SNTG1: variants seen among roughly 807,000 people sequenced by gnomAD.
SNTG1 encodes the protein syntrophin gamma 1.
Under a neutral mutation model 74.7 loss-of-function variants are expected in SNTG1, and 39 were observed. That is an observed-to-expected ratio of 0.52 (90% CI 0.40 to 0.68). The LOEUF is 0.68. Ranked by LOEUF, SNTG1 falls within the 30% of genes least tolerant of loss-of-function variation. The pLI, the probability that SNTG1 is intolerant of heterozygous loss-of-function variation, is 0.00. For synonymous variants in SNTG1, 254 were observed against 217.1 expected (o/e 1.17, Z -1.49); for missense variants, 685 against 609.5 (o/e 1.12, Z -1.30).
At chr8:50,560,197 A>T (rs1173636303) in intron 12 of SNTG1, among the ~76,000 whole-genome samples, 1 of 152,212 alleles carries the variant, frequency 6.6e-6, no homozygotes, top group African/African-American at 2.4e-5. Flanking sequence ...CAGAATGGTG[A>T]TTATTAAAAA....
chr8:49,956,058 C>T (rs1301702301), intron 1 of SNTG1, among the ~76,000 whole-genome samples: 1 of 152,180 alleles, frequency 6.6e-6, no homozygotes, highest in East Asian at 1.9e-4. Context: ...AAAGAAGTCT[C>T]CTGAAGTGTT....
At chr8:50,226,081 A>G (rs1421642052) in intron 2 of SNTG1, among the ~76,000 whole-genome samples, 1 of 152,234 alleles carries the variant, frequency 6.6e-6, no homozygotes, top group Non-Finnish European at 1.5e-5. Context: ...TAAAAATACT[A>G]TAAAAGTTTA....
At chr8:50,198,057 A>G (rs922351669) in intron 2 of SNTG1, among the ~76,000 whole-genome samples, 1 of 152,006 alleles carries the variant, frequency 6.6e-6, no homozygotes, top group Non-Finnish European at 1.5e-5. Flanking sequence ...CGTACTTTGC[A>G]GTTTATCTGC....
At chr8:50,346,513 G>A (rs1042992569) in intron 2 of SNTG1, among the ~76,000 whole-genome samples, 2 of 152,098 alleles carry the variant, frequency 1.3e-5, no homozygotes, top group African/African-American at 4.8e-5. Context: ...CTCCACAATG[G>A]CCTCCTAGTG....
Position 50,792,793 on chromosome 8 carries a change from C to T in SNTG1, c.1518C>T (p.Ser506=), listed in dbSNP as rs752300675. Reference sequence around the variant, plus strand: ...AAGCTACTGCTTCTACTGCTGCCAGCTCTGCTACCACGAGCAAAGCAAAGT... The same window carrying T: ...AAGCTACTGCTTCTACTGCTGCCAGTTCTGCTACCACGAGCAAAGCAAAGT... ...GNQATASTAA[S]SATTSKAKYT... Residue 506 remains serine, a synonymous_variant, in exon 19 of 19, where the codon AGC becomes AGT. Coordinates refer to ENST00000642720, the MANE Select transcript of SNTG1 (RefSeq NM_018967.5). The T allele has an allele frequency of 1.2e-5, 19 of 1,612,292 alleles. 1 individual carries two copies. The South Asian group carries it at 2.1e-4, about 18-fold the overall frequency.
rs556269357 is a variant in SNTG1, at chr8:50,328,757, T to C, written c.-27-65455T>C. On this transcript the variant is annotated intron_variant, in intron 2 of 18. Coordinates refer to ENST00000642720, the MANE Select transcript of SNTG1 (RefSeq NM_018967.5). ...GAACCAAACGATATCATTCTGCCCA[T>C]GGCCCCTCCCAAATCTCATGTATTT... is the stretch of plus-strand genomic sequence containing the variant. Among the ~76,000 whole-genome samples the C allele has an allele frequency of 2.8e-3, 421 of 152,270 alleles. 3 individuals are homozygous for C. Among genetic ancestry groups the C allele is most frequent in the African/African-American group, 9.7e-3 (403 of 41,558 alleles).
At chr8:50,334,684 T>C (rs1263619333) in intron 2 of SNTG1, among the ~76,000 whole-genome samples, 1 of 152,178 alleles carries the variant, frequency 6.6e-6, no homozygotes, top group East Asian at 1.9e-4. Context: ...CTGTGCTATC[T>C]GGGCAAATTA....
intron 1 of SNTG1, among the ~76,000 whole-genome samples, chr8:49,959,494 C>G (rs1810488740): frequency 6.6e-6 from 1 of 152,202 alleles, no homozygotes; most frequent in Non-Finnish European, 1.5e-5. Context: ...TGCTTTCTGT[C>G]TGTATAGATT....
At position 50,679,784 on chromosome 8, in the gene SNTG1, C is replaced by A. The variant is rs148114212; in HGVS notation, c.1038+21121C>A. On this transcript the variant is annotated intron_variant, in intron 15 of 18. Transcript: ENST00000642720. ...TGACACTAAGAGGATGGATTTATTT[C>A]TCTGGTGGTGAGATGACATTTGATC... Among the ~76,000 whole-genome samples the A allele has an allele frequency of 1.4e-3, 207 of 152,220 alleles. 2 individuals are homozygous for A. The highest frequency in any genetic ancestry group is 0.01 in the Middle Eastern group (3 of 294).
intron 1 of SNTG1, among the ~76,000 whole-genome samples, chr8:50,075,281 C>T (rs569525848): frequency 6.6e-6 from 1 of 152,290 alleles, no homozygotes; most frequent in South Asian, 2.1e-4. Context: ...ACTGGCGGCC[C>T]CTGGGTGGGA....
chr8:50,728,076 T>C (rs906248636), intron 17 of SNTG1, among the ~76,000 whole-genome samples: 1 of 152,132 alleles, frequency 6.6e-6, no homozygotes, highest in Non-Finnish European at 1.5e-5. Context: ...GGAAAGGTGA[T>C]AGCTGCAACC....
At chr8:50,321,534 T>A (rs1031723377) in intron 2 of SNTG1, among the ~76,000 whole-genome samples, 1 of 151,954 alleles carries the variant, frequency 6.6e-6, no homozygotes, top group Non-Finnish European at 1.5e-5. Context: ...TTAAATTCAA[T>A]GTTATTATTG....
intron 12 of SNTG1, among the ~76,000 whole-genome samples, chr8:50,586,813 G>T (rs2130852195): frequency 6.6e-6 from 1 of 151,770 alleles, no homozygotes; most frequent in Admixed American, 6.6e-5. Context: ...TGACATTTTA[G>T]ATTTTCGAAG....
intron 2 of SNTG1, among the ~76,000 whole-genome samples, chr8:50,180,623 A>C (rs1034646662): frequency 1.3e-5 from 2 of 152,090 alleles, no homozygotes; most frequent in African/African-American, 4.8e-5. Flanking sequence ...TACAAAACCC[A>C]AACATAAATC....
chr8:50,611,978 G>A (rs565102939), intron 13 of SNTG1, among the ~76,000 whole-genome samples: 36 of 152,090 alleles, frequency 2.4e-4, no homozygotes, highest in African/African-American at 8.4e-4. Context: ...GGCTGATCTC[G>A]AACTCCTGGG....
chr8:50,450,589 C>T lies in SNTG1; in HGVS notation c.311C>T (p.Ala104Val). 6.2e-7 allele frequency: 1 copy of T among 1,613,458 alleles called. No homozygotes were observed. The highest frequency in any genetic ancestry group is 1.7e-4 in the Middle Eastern group (1 of 6,052). Residue 104 changes from alanine to valine, a missense_variant, in exon 7 of 19, where the codon GCA becomes GTA. By Grantham distance (64) the Ala-to-Val change is moderately conservative. Transcript: ENST00000642720. ...ELSGLLFIGD[A>V]ILQINGINVR... ...TCAGGACTACTTTTTATTGGAGATGCAATTCTACAGGTATACATTTTATCA... is the reference window on the plus strand; with the variant it reads ...TCAGGACTACTTTTTATTGGAGATGTAATTCTACAGGTATACATTTTATCA...
At chr8:50,142,733 T>C (rs2081711421) in intron 1 of SNTG1, among the ~76,000 whole-genome samples, 1 of 152,144 alleles carries the variant, frequency 6.6e-6, no homozygotes, top group Non-Finnish European at 1.5e-5. Context: ...TATTTCATCA[T>C]GTTAAAACCT....
intron 13 of SNTG1, among the ~76,000 whole-genome samples, chr8:50,615,244 G>A (rs1034566717): frequency 1.3e-5 from 2 of 152,128 alleles, no homozygotes; most frequent in African/African-American, 2.4e-5. Context: ...ACAGGCATGA[G>A]CCACCGTGCT....
At chr8:50,601,769 T>C (rs2094776912) in intron 13 of SNTG1, among the ~76,000 whole-genome samples, 2 of 152,146 alleles carry the variant, frequency 1.3e-5, no homozygotes, top group South Asian at 4.1e-4. Flanking sequence ...TCTTTTTTAC[T>C]TTAATAATAT....
Sources: gnomAD v4.1 joint callset for allele counts (sites outside exome capture counted in the v4.1 genomes callset) on GRCh38, gnomAD v4.1.1 for gene constraint, MANE v1.5 for transcripts, NCBI Gene and HGNC (gene_info 2026-07-23, HGNC 2026-07-21) for gene names.